The following PTCHD4 variants were observed in gnomAD, a reference collection of about 807,000 sequenced individuals.
PTCHD4 encodes the protein patched domain-containing protein 4.
In PTCHD4, 33 loss-of-function variants were observed where a neutral mutation model predicts 58.1. That is an observed-to-expected ratio of 0.57 (90% CI 0.43 to 0.76). PTCHD4 has a LOEUF of 0.76. PTCHD4 is among the 30% of genes least tolerant of loss of function. The probability of loss-of-function intolerance (pLI) is 0.00; values close to 1 mark genes in which losing one functional copy is unlikely to be tolerated. For synonymous variants in PTCHD4, 478 were observed against 409.6 expected (o/e 1.17, Z -2.02); for missense variants, 1,058 against 1,027.1 (o/e 1.03, Z -0.41).
intron 1 of PTCHD4, among the ~76,000 whole-genome samples, chr6:48,094,671 C>A (rs763709251): frequency 2.0e-4 from 30 of 152,168 alleles, no homozygotes; most frequent in Non-Finnish European, 2.9e-4. Flanking sequence ...AAGGACAATA[C>A]AATGAAAGAA....
At position 48,008,925 on chromosome 6, in the gene PTCHD4, G is replaced by C; in HGVS notation, c.607C>G (p.Gln203Glu). The change falls in exon 4 of 5, where the codon CAG (glutamine) becomes GAG (glutamate). Residue 203 changes from glutamine to glutamate, a missense_variant. Gln to Glu is a conservative substitution (Grantham distance 29). Transcript: ENST00000339488. ...AGCTGGAGTTCTTGATGCTCCTCCT[G>C]GAGCTTCCTTATAAGCTTACAGAAC... ...NEFCKLIRKL[Q>E]EEHQELQLYS... The C allele has an allele frequency of 1.2e-6, 2 of 1,613,928 alleles. No individual in the cohort carries two copies. Among genetic ancestry groups the C allele is most frequent in the South Asian group, 2.2e-5 (2 of 91,070 alleles).
intron 4 of PTCHD4, among the ~76,000 whole-genome samples, chr6:47,964,936 C>A (rs766772186): frequency 6.6e-6 from 1 of 151,950 alleles, no homozygotes; most frequent in Admixed American, 6.6e-5. Flanking sequence ...ACAGCACACT[C>A]GAGTGGGTTT....
intron 3 of PTCHD4, among the ~76,000 whole-genome samples, chr6:48,018,758 G>C (rs2114105643): frequency 6.6e-6 from 1 of 152,278 alleles, no homozygotes; most frequent in East Asian, 1.9e-4. Context: ...CTTTCACAAA[G>C]AGATCACAGT....
intron 1 of PTCHD4, among the ~76,000 whole-genome samples, chr6:48,094,562 C>T (rs1009733897): frequency 1.3e-5 from 2 of 152,110 alleles, no homozygotes; most frequent in African/African-American, 4.8e-5. Context: ...TGGATTTGAC[C>T]GAGTCAAGAA....
chr6:47,950,054 C>T (rs1239862535), intron 4 of PTCHD4, among the ~76,000 whole-genome samples: 36 of 138,070 alleles, frequency 2.6e-4, no homozygotes, highest in African/African-American at 8.6e-4. Flanking sequence ...CAACAGGCCC[C>T]GGAGTGTGAC....
At chr6:47,918,279 T>C (rs1765322008) in intron 4 of PTCHD4, among the ~76,000 whole-genome samples, 1 of 152,146 alleles carries the variant, frequency 6.6e-6, no homozygotes, top group Non-Finnish European at 1.5e-5. Context: ...TTGGCATAGT[T>C]AATGTAGTAA....
intron 4 of PTCHD4, among the ~76,000 whole-genome samples, chr6:47,955,427 C>T (rs567987706): frequency 3.4e-4 from 52 of 152,138 alleles, no homozygotes; most frequent in Non-Finnish European, 5.6e-4. Context: ...TATAAGCTGA[C>T]GGGGGTGGGG....
intron 1 of PTCHD4, among the ~76,000 whole-genome samples, chr6:48,076,743 C>T (rs2396846): frequency 0.044 from 6,757 of 152,248 alleles, 209 homozygotes; most frequent in Non-Finnish European, 0.065. Flanking sequence ...CTCAGAATCA[C>T]GGCAGATTCA....
chr6:48,083,641 G>A (rs1765207038), intron 1 of PTCHD4, among the ~76,000 whole-genome samples: 1 of 152,154 alleles, frequency 6.6e-6, no homozygotes, highest in Non-Finnish European at 1.5e-5. Flanking sequence ...TCAGAGAGAT[G>A]CAGCAAAATA....
intron 4 of PTCHD4, among the ~76,000 whole-genome samples, chr6:47,957,995 A>G (rs974128955): frequency 1.1e-4 from 17 of 152,216 alleles, no homozygotes; most frequent in African/African-American, 3.6e-4. Flanking sequence ...ATTATTTTCC[A>G]AAAGCATATT....
intron 4 of PTCHD4, among the ~76,000 whole-genome samples, chr6:47,923,968 C>T (rs12209155): frequency 0.11 from 17,245 of 152,150 alleles, 1,211 homozygotes; most frequent in South Asian, 0.18. Flanking sequence ...TCACAAAATA[C>T]GAATGGGGAA....
intron 4 of PTCHD4, among the ~76,000 whole-genome samples, chr6:47,887,885 G>A (rs1764243604): frequency 6.6e-6 from 1 of 152,174 alleles, no homozygotes; most frequent in Non-Finnish European, 1.5e-5. Context: ...ACAAAGGGTA[G>A]GGGGTGTTTA....
intron 1 of PTCHD4, among the ~76,000 whole-genome samples, chr6:48,095,558 G>T (rs1214214136): frequency 1.3e-5 from 2 of 151,772 alleles, no homozygotes; most frequent in African/African-American, 4.8e-5. Flanking sequence ...GGCGTGGCGG[G>T]GGGTGACTGT....
chr6:48,092,163 C>T (rs9463369), intron 1 of PTCHD4, among the ~76,000 whole-genome samples: 23,316 of 152,058 alleles, frequency 0.15, 1,817 homozygotes, highest in African/African-American at 0.19. Context: ...GGTTTTAATT[C>T]TAATTTTCCC....
At chr6:47,931,849 C>A (rs764943640) in intron 4 of PTCHD4, among the ~76,000 whole-genome samples, 5 of 151,782 alleles carry the variant, frequency 3.3e-5, no homozygotes, top group Non-Finnish European at 7.4e-5. Flanking sequence ...TGTATCCTCC[C>A]AAAGTTCCTG....
intron 4 of PTCHD4, among the ~76,000 whole-genome samples, chr6:47,921,913 C>A (rs1335992945): frequency 6.7e-6 from 1 of 148,414 alleles, no homozygotes; most frequent in Non-Finnish European, 1.5e-5. Context: ...GAATTTGAGA[C>A]CAGCCTGGGC....
At chr6:47,880,800 C>G (rs909842027) in intron 4 of PTCHD4, among the ~76,000 whole-genome samples, 1 of 152,184 alleles carries the variant, frequency 6.6e-6, no homozygotes, top group Admixed American at 6.5e-5. Context: ...CTGGTAGCTA[C>G]TGAGCTGTAA....
intron 4 of PTCHD4, among the ~76,000 whole-genome samples, chr6:47,944,973 G>C (rs1001476783): frequency 6.6e-6 from 1 of 152,050 alleles, no homozygotes; most frequent in Admixed American, 6.6e-5. Context: ...TAAATGTAGA[G>C]TCATGCATCC....
At chr6:47,901,944 T>C in intron 4 of PTCHD4, 1 of 1,295,814 alleles carries the variant, frequency 7.7e-7, no homozygotes, top group Middle Eastern at 2.1e-4. Flanking sequence ...GCCTTAAAAA[T>C]AGTATGAGCA....
Sources: allele counts gnomAD v4.1 joint callset (sites outside exome capture counted in the v4.1 genomes callset), GRCh38; gene constraint gnomAD v4.1.1; transcripts MANE v1.5; gene names NCBI Gene and HGNC (gene_info 2026-07-23, HGNC 2026-07-21).